The following LIPH variants were observed in gnomAD, a reference collection of about 807,000 sequenced individuals.
The protein encoded by LIPH is lipase H.
A neutral mutation model predicts 47.6 loss-of-function variants in LIPH; 32 were observed. That is an observed-to-expected ratio of 0.67 (90% CI 0.51 to 0.90). The LOEUF (loss-of-function observed/expected upper bound fraction) is 0.90. Ranked by LOEUF, LIPH falls within the 40% of genes least tolerant of loss-of-function variation. The pLI is 0.00. For synonymous variants in LIPH, 190 were observed against 195.6 expected (o/e 0.97, Z 0.24); for missense variants, 497 against 541.4 (o/e 0.92, Z 0.81).
chr3:185,529,300 G>A (rs537639062), intron 3 of LIPH, among the ~76,000 whole-genome samples: 122 of 150,354 alleles, frequency 8.1e-4, no homozygotes, highest in African/African-American at 2.6e-3. Flanking sequence ...TTCAAGGGAA[G>A]TCTCCCTTGA....
rs1467150905 is a variant in LIPH at position 185,509,083 on chromosome 3, G to A, written c.1269-206C>T. Among the ~76,000 whole-genome samples the A allele has an allele frequency of 2.0e-5, 3 of 151,824 alleles. No homozygotes were observed. The South Asian group carries it at 6.2e-4, about 32-fold the overall frequency. ...GAGGCGGGCAGATACTTGAGGCCAG[G>A]AGTTCAAGACCAGCCTGGCCAACAT... On this transcript the variant is annotated intron_variant, in intron 9 of 9. Transcript: ENST00000296252.
Position 185,552,418 on chromosome 3 carries a change from C to T in LIPH, c.49+5G>A. On this transcript the variant is annotated splice_donor_5th_base_variant and intron_variant, in intron 1 of 9. Transcript: ENST00000296252. ...GTTAAGAAAACCAGTTTGTAAATAA[C>T]CTACCTGATCTTGACAAGCACAACA... 1.3e-6 allele frequency: 2 copies of T among 1,595,174 alleles called. No homozygotes were observed. Among genetic ancestry groups the T allele is most frequent in the Non-Finnish European group, 1.7e-6 (2 of 1,162,910 alleles).
In LIPH at chr3:185,507,809, T is replaced by G. The variant is rs1719425915; in HGVS notation, c.*981A>C. 6.6e-6 allele frequency: 1 copy of G among 152,212 alleles called. No individual in the cohort carries two copies. The highest frequency in any genetic ancestry group is 2.4e-5 in the African/African-American group (1 of 41,456). 9.4% of individuals were successfully genotyped at this position (152,212 alleles called of 1,614,324 possible). A position where few individuals can be genotyped will look rare whatever the true frequency, so the allele number is the denominator to read the frequency against. On this transcript the variant is annotated 3_prime_UTR_variant, in exon 10 of 10. Transcript: ENST00000296252. ...GACAGTATTTTTTTTTAATTTTGTA[T>G]CTACGCATTTTCTAAATTTCCTTCA...
At chr3:185,510,445 C>G (rs1719525560) in intron 9 of LIPH, among the ~76,000 whole-genome samples, 1 of 152,194 alleles carries the variant, frequency 6.6e-6, no homozygotes. Context: ...GTTTCTCTCT[C>G]TTTCTCTCCC....
chr3:185,523,740 G>T (rs1320986571), intron 5 of LIPH, among the ~76,000 whole-genome samples: 1 of 149,342 alleles, frequency 6.7e-6, no homozygotes, highest in Non-Finnish European at 1.5e-5. Flanking sequence ...TTATTTTTTT[G>T]AGATGGAGTA....
intron 3 of LIPH, among the ~76,000 whole-genome samples, chr3:185,530,851 A>G (rs1306858490): frequency 2.6e-5 from 4 of 152,000 alleles, no homozygotes; most frequent in African/African-American, 9.7e-5. Context: ...CTGGGTAACA[A>G]AGTAAGACCC....
At chr3:185,519,000 A>G in intron 6 of LIPH, 142 bp downstream of exon 6, 1 of 720,598 alleles carries the variant, frequency 1.4e-6, no homozygotes, top group Non-Finnish European at 2.5e-6. Flanking sequence ...CTGGGATTAC[A>G]GGCATGAGCC....
At chr3:185,509,554 C>T (rs530237370) in intron 9 of LIPH, among the ~76,000 whole-genome samples, 9 of 152,050 alleles carry the variant, frequency 5.9e-5, no homozygotes, top group Non-Finnish European at 8.8e-5. Context: ...TGCTTGAACC[C>T]AGGAGGTGGA....
intron 1 of LIPH, among the ~76,000 whole-genome samples, chr3:185,543,881 ACTCTTGTCCCCCAGG>A (rs61638986): frequency 0.19 from 23,587 of 124,378 alleles, 2,466 homozygotes; most frequent in African/African-American, 0.35. Context: ...ACGGTTTCTC[ACTCTTGTCCCCCAGG>A]CTGGAGTGCA....
At chr3:185,514,174 G>A (rs1230473359) in intron 8 of LIPH, among the ~76,000 whole-genome samples, 1 of 151,812 alleles carries the variant, frequency 6.6e-6, no homozygotes, top group African/African-American at 2.4e-5. Context: ...AAGGGAGGAA[G>A]CAAAGAAAGG....
At chr3:185,541,815 G>T (rs531720563) in intron 1 of LIPH, among the ~76,000 whole-genome samples, 2 of 151,728 alleles carry the variant, frequency 1.3e-5, no homozygotes, top group East Asian at 3.9e-4. Flanking sequence ...GGAGCGCAGG[G>T]TCATGATCTT....
chr3:185,514,588 C>G, intron 7 of LIPH, 67 bp from the exon 8 acceptor site: 2 of 778,154 alleles, frequency 2.6e-6, no homozygotes, highest in African/African-American at 1.7e-5. Flanking sequence ...AGGGCTGGTT[C>G]CTAAAAACTG....
chr3:185,529,198 AAAGAAAAAGAAAAAGAAAG>A (rs1720229249), intron 3 of LIPH, among the ~76,000 whole-genome samples: 1 of 148,036 alleles, frequency 6.8e-6, no homozygotes, highest in East Asian at 2.0e-4. Flanking sequence ...AAAAAGAAAA[AAAGAAAAAGAAAAAGAAAG>A]AAAAAAGGAA....
intron 1 of LIPH, chr3:185,547,005 G>A (rs1392308193): frequency 4.8e-6 from 2 of 413,500 alleles, no homozygotes; most frequent in East Asian, 7.7e-5. Flanking sequence ...TATGGACAGA[G>A]GCGAGGAAAT....
rs1262916336 is a variant in LIPH at position 185,526,666 on chromosome 3, TATAATATAATATAATATAATATAAA to T, written c.628+793_628+817del. ...TAAAATAAAATAAAATAAAAAATAA[TATAATATAATATAATATAATATAAA>T]ATAAATAAAATAAAATAAATAAAAT... On this transcript the variant is annotated intron_variant, in intron 4 of 9. Coordinates refer to ENST00000296252, the MANE Select transcript of LIPH (RefSeq NM_139248.3). Among the ~76,000 whole-genome samples the T allele has an allele frequency of 1.7e-4, 15 of 88,164 alleles. No individual in the cohort carries two copies. In the South Asian group the frequency reaches 4.7e-3, roughly 28 times the overall value. 57.8% of individuals were successfully genotyped at this position (88,164 alleles called of 152,430 possible).
At chr3:185,533,760 T>C in intron 2 of LIPH, 81 bp from the exon 3 acceptor site, 1 of 902,410 alleles carries the variant, frequency 1.1e-6, no homozygotes, top group Non-Finnish European at 1.9e-6. Context: ...GGCTGTTGAC[T>C]TTGGAGAAGT....
At chr3:185,534,683 T>C in intron 2 of LIPH, 82 bp downstream of exon 2, 2 of 1,436,892 alleles carry the variant, frequency 1.4e-6, no homozygotes, top group East Asian at 2.3e-5. Flanking sequence ...TCCTGCTCAC[T>C]GTAGCTATCT....
intron 3 of LIPH, among the ~76,000 whole-genome samples, chr3:185,529,686 T>A (rs1720249612): frequency 6.6e-6 from 1 of 150,858 alleles, no homozygotes; most frequent in African/African-American, 2.4e-5. Context: ...GACCAGGAGT[T>A]CGAGACCAGC....
chr3:185,511,961 G>A (rs1407124779), intron 8 of LIPH, among the ~76,000 whole-genome samples: 1 of 151,934 alleles, frequency 6.6e-6, no homozygotes, highest in Non-Finnish European at 1.5e-5. Flanking sequence ...AATGACATTA[G>A]AGAGGCACGA....
Sources: allele counts gnomAD v4.1 joint callset (sites outside exome capture counted in the v4.1 genomes callset), GRCh38; gene constraint gnomAD v4.1.1; transcripts MANE v1.5; gene names NCBI Gene and HGNC (gene_info 2026-07-23, HGNC 2026-07-21).